DPPA2: variants seen among roughly 807,000 people sequenced by gnomAD.
DPPA2 encodes developmental pluripotency associated 2, also known as developmental pluripotency-associated protein 2.
In DPPA2, 26 loss-of-function variants were observed where a neutral mutation model predicts 36.2. That is an observed-to-expected ratio of 0.72 (90% confidence interval 0.53 to 1.00). The LOEUF (loss-of-function observed/expected upper bound fraction) is 1.00. Among genes scored for constraint, DPPA2 ranks in the 50% least tolerant of loss-of-function variants. DPPA2 has a pLI of 0.00. For missense variants in DPPA2, 361 were observed against 365.1 expected, an observed-to-expected ratio of 0.99 and a Z score of 0.09; for synonymous variants, 113 against 123.2, an observed-to-expected ratio of 0.92 and a Z score of 0.55.
chr3:109,308,032 C>A lies in DPPA2; in HGVS notation c.658G>T (p.Gly220Cys). ...ACTCACACTTTAAGGTTGATCTTAC[C>A]AGAGGCTTGCATCAAAAAGGCCTCA... ...SVEAFLMQAS[G>C]VRWCVVHGRL... The change falls in exon 6 of 9, where the codon GGC becomes TGC. Residue 220 changes from glycine (G) to cysteine (C), a missense_variant and splice_region_variant. Transcript: ENST00000478945. 3 of 1,613,780 alleles carry A rather than the reference C, an allele frequency of 1.9e-6. No individual in the cohort carries two copies. Among genetic ancestry groups the A allele is most frequent in the Non-Finnish European group, 2.5e-6 (3 of 1,179,776 alleles).
chr3:109,312,146 C>T (rs1400993689), intron 3 of DPPA2, among the ~76,000 whole-genome samples: 1 of 152,056 alleles, frequency 6.6e-6, no homozygotes, highest in East Asian at 1.9e-4. Context: ...CCAGCCTGGC[C>T]AACATGGTGA....
chr3:109,312,418 A>G, intron 3 of DPPA2, 127 bp downstream of exon 3: 1 of 1,238,988 alleles, frequency 8.1e-7, no homozygotes, highest in South Asian at 1.9e-5. Flanking sequence ...ATTTCTTAAC[A>G]CAGATTAACA....
chr3:109,312,715 G>A (rs763161937), intron 2 of DPPA2, 23 bp from the exon 3 acceptor site: 2 of 1,611,324 alleles, frequency 1.2e-6, no homozygotes, highest in African/African-American at 1.3e-5. Context: ...GTCAGTCACT[G>A]ATTTTCATTT....
intron 6 of DPPA2, among the ~76,000 whole-genome samples, chr3:109,306,529 T>C (rs974508556): frequency 1.2e-4 from 18 of 152,124 alleles, no homozygotes; most frequent in Non-Finnish European, 2.2e-4. Flanking sequence ...AGAATACTTC[T>C]GGAAATGGGA....
intron 8 of DPPA2, among the ~76,000 whole-genome samples, chr3:109,299,719 G>A (rs1707424753): frequency 7.0e-6 from 1 of 142,590 alleles, no homozygotes. Flanking sequence ...AAAAGAAAAA[G>A]AAAAAAGAAT....
chr3:109,314,213 T>G (rs1412211760), intron 2 of DPPA2, among the ~76,000 whole-genome samples: 3 of 151,922 alleles, frequency 2.0e-5, no homozygotes, highest in African/African-American at 7.3e-5. Flanking sequence ...TTTATTTATT[T>G]TTACCATTTT....
At chr3:109,314,215 T>G (rs1350657779) in intron 2 of DPPA2, among the ~76,000 whole-genome samples, 1 of 152,128 alleles carries the variant, frequency 6.6e-6, no homozygotes, top group African/African-American at 2.4e-5. Flanking sequence ...TATTTATTTT[T>G]ACCATTTTTA....
chr3:109,299,323 C>A (rs1352724181), intron 8 of DPPA2, among the ~76,000 whole-genome samples: 1 of 151,966 alleles, frequency 6.6e-6, no homozygotes, highest in African/African-American at 2.4e-5. Flanking sequence ...CAAGCCTGGC[C>A]AATATGGCAA....
At chr3:109,314,158 TTAATTA>T (rs1707753271) in intron 2 of DPPA2, among the ~76,000 whole-genome samples, 1 of 152,218 alleles carries the variant, frequency 6.6e-6, no homozygotes, top group Non-Finnish European at 1.5e-5. Flanking sequence ...TTTTTAATTT[TTAATTA>T]TCTTTTCTCT....
At chr3:109,311,461 C>T (rs117675537) in intron 3 of DPPA2, among the ~76,000 whole-genome samples, 13 of 152,190 alleles carry the variant, frequency 8.5e-5, no homozygotes, top group African/African-American at 2.9e-4. Context: ...TTATTTGGGC[C>T]GGTCGCAGTG....
At chr3:109,299,194 C>T (rs1167890307) in intron 8 of DPPA2, among the ~76,000 whole-genome samples, 1 of 134,440 alleles carries the variant, frequency 7.4e-6, no homozygotes, top group East Asian at 2.2e-4. Context: ...CCCGACTCTA[C>T]TAAACATACC....
intron 8 of DPPA2, among the ~76,000 whole-genome samples, chr3:109,296,644 C>G (rs780723244): frequency 6.7e-6 from 1 of 149,174 alleles, no homozygotes; most frequent in Non-Finnish European, 1.5e-5. Flanking sequence ...CATTGCGCTC[C>G]AGCTGGGAAA....
chr3:109,304,443 G>C, intron 7 of DPPA2, 32 bp downstream of exon 7: 1 of 1,563,526 alleles, frequency 6.4e-7, no homozygotes, highest in Non-Finnish European at 8.7e-7. Context: ...ACTTTTCTGT[G>C]TGCCATGCTT....
At chr3:109,309,800 G>A (rs1054371127) in intron 3 of DPPA2, among the ~76,000 whole-genome samples, 4 of 152,020 alleles carry the variant, frequency 2.6e-5, no homozygotes, top group African/African-American at 9.7e-5. Flanking sequence ...ACAAGGCCGG[G>A]CACGGTGGCT....
chr3:109,294,563 C>T (rs1260048705), intron 8 of DPPA2, among the ~76,000 whole-genome samples: 3 of 152,208 alleles, frequency 2.0e-5, no homozygotes, highest in Admixed American at 6.5e-5. Context: ...CACATATTCT[C>T]AAGCTCGCAG....
At chr3:109,307,953 T>A (rs1001662243) in intron 6 of DPPA2, 79 bp downstream of exon 6, 2 of 1,499,906 alleles carry the variant, frequency 1.3e-6, no homozygotes, top group African/African-American at 2.8e-5. Context: ...GCCTTCCCTT[T>A]GACCACGTTT....
intron 8 of DPPA2, among the ~76,000 whole-genome samples, chr3:109,294,950 G>A (rs971088557): frequency 8.5e-5 from 13 of 152,070 alleles, no homozygotes; most frequent in Admixed American, 2.0e-4. Context: ...AAAGCCAGGA[G>A]GTGGAGGTTG....
In DPPA2 at chr3:109,309,161, T is replaced by C; in HGVS notation, c.342+9A>G. The C allele has an allele frequency of 6.2e-7, 1 of 1,614,152 alleles. No individual in the cohort carries two copies. The highest frequency in any genetic ancestry group is 8.5e-7 in the Non-Finnish European group (1 of 1,180,006). On this transcript the variant is annotated intron_variant, in intron 4 of 8. Transcript: ENST00000478945. Reference sequence around the variant, plus strand: ...TCCCAGCAGCAGATATTCACCCAAGTGTACTAACCTTGCCATTAGTACTCA... The same window carrying C: ...TCCCAGCAGCAGATATTCACCCAAGCGTACTAACCTTGCCATTAGTACTCA...
At chr3:109,309,456 G>A in intron 3 of DPPA2, 126 bp from the exon 4 acceptor site, 1 of 955,712 alleles carries the variant, frequency 1.0e-6, no homozygotes, top group Admixed American at 2.4e-5. Context: ...GGGAGGCCGA[G>A]GTAGGCAGAT....
Sources: gnomAD v4.1 joint callset for allele counts (sites outside exome capture counted in the v4.1 genomes callset) on GRCh38, gnomAD v4.1.1 for gene constraint, MANE v1.5 for transcripts, NCBI Gene and HGNC (gene_info 2026-07-23, HGNC 2026-07-21) for gene names.